The following FGF12 variants were observed in gnomAD, a reference collection of about 807,000 sequenced individuals.
FGF12 encodes fibroblast growth factor 12B.
A neutral mutation model predicts 23.6 loss-of-function variants in FGF12; 14 were observed. The observed-to-expected ratio is 0.59, with a 90% confidence interval of 0.39 to 0.93. FGF12 has a LOEUF of 0.93. Ranked by LOEUF, FGF12 falls within the 40% of genes least tolerant of loss-of-function variation. The pLI, the probability that FGF12 is intolerant of heterozygous loss-of-function variation, is 0.00. For missense variants in FGF12, 175 were observed against 217.8 expected (o/e 0.80, Z 1.24); for synonymous variants, 62 against 77.3 (o/e 0.80, Z 1.04).
intron 5 of FGF12, among the ~76,000 whole-genome samples, chr3:192,154,669 G>T (rs1165636079): frequency 7.0e-6 from 1 of 143,172 alleles, no homozygotes; most frequent in South Asian, 2.4e-4. Flanking sequence ...TAGTCTGCCC[G>T]TTCTCAGATC....
intron 2 of FGF12, among the ~76,000 whole-genome samples, chr3:192,452,898 CAAATA>C (rs1722569348): frequency 6.6e-6 from 1 of 152,188 alleles, no homozygotes. Flanking sequence ...CTTTGACATT[CAAATA>C]TTTTATTGTA....
intron 2 of FGF12, among the ~76,000 whole-genome samples, chr3:192,574,702 G>A (rs1470547420): frequency 1.3e-5 from 2 of 152,172 alleles, no homozygotes; most frequent in South Asian, 2.1e-4. Context: ...ACCTACTCTA[G>A]CAACACATAT....
chr3:192,628,153 T>A (rs1715244256), intron 2 of FGF12, among the ~76,000 whole-genome samples: 3 of 152,106 alleles, frequency 2.0e-5, no homozygotes, highest in South Asian at 2.1e-4. Context: ...TCCCTGGAGA[T>A]TCATCCATGT....
rs79906365 is a variant in FGF12 at position 192,530,131 on chromosome 3, T to C, written c.14-169593A>G. Among the ~76,000 whole-genome samples the C allele has an allele frequency of 5.1e-3, 783 of 152,242 alleles. 6 individuals carry two copies. The highest frequency in any genetic ancestry group is 0.017 in the African/African-American group (707 of 41,534). On this transcript the variant is annotated intron_variant, in intron 2 of 5. Coordinates refer to ENST00000445105, the MANE Select transcript of FGF12 (RefSeq NM_004113.6). ...TCATCCTTCTCTCTCCATCCTGTTT[T>C]TTTTTTTAATTTGACATCTACATTC...
chr3:192,680,224 C>T (rs1273453286), intron 2 of FGF12, among the ~76,000 whole-genome samples: 1 of 152,078 alleles, frequency 6.6e-6, no homozygotes, highest in Non-Finnish European at 1.5e-5. Context: ...ACCACTGTTC[C>T]AAACCTTATT....
chr3:192,507,491 T>C (rs1329806003), intron 2 of FGF12, among the ~76,000 whole-genome samples: 1 of 152,080 alleles, frequency 6.6e-6, no homozygotes, highest in East Asian at 1.9e-4. Context: ...GAAGTCTCGG[T>C]TTCCTAATTT....
chr3:192,243,825 C>A (rs59047141), intron 4 of FGF12, among the ~76,000 whole-genome samples: 9,133 of 152,054 alleles, frequency 0.06, 303 homozygotes, highest in South Asian at 0.081. Context: ...AAGTGGGAAG[C>A]ATTTGCAAGG....
intron 4 of FGF12, among the ~76,000 whole-genome samples, chr3:192,234,678 A>G (rs1172340220): frequency 6.6e-6 from 1 of 152,104 alleles, no homozygotes; most frequent in Non-Finnish European, 1.5e-5. Flanking sequence ...TGGGTTTGTC[A>G]AGATGATTCT....
intron 2 of FGF12, among the ~76,000 whole-genome samples, chr3:192,657,982 T>C (rs912588660): frequency 6.6e-6 from 1 of 152,126 alleles, no homozygotes; most frequent in Non-Finnish European, 1.5e-5. Context: ...TATTTGGGTT[T>C]TTTTTTTCAC....
At chr3:192,480,122 G>A (rs138999796) in intron 2 of FGF12, among the ~76,000 whole-genome samples, 245 of 152,274 alleles carry the variant, frequency 1.6e-3, no homozygotes, top group African/African-American at 5.5e-3. Context: ...TTTCTGTGGG[G>A]ATGGAGACAA....
intron 4 of FGF12, among the ~76,000 whole-genome samples, chr3:192,307,124 T>C (rs564821982): frequency 1.3e-5 from 2 of 152,326 alleles, no homozygotes; most frequent in Non-Finnish European, 2.9e-5. Context: ...TACCATATCT[T>C]AGGCATCATT....
intron 4 of FGF12, among the ~76,000 whole-genome samples, chr3:192,260,406 C>T (rs1712674915): frequency 6.6e-6 from 1 of 152,170 alleles, no homozygotes; most frequent in African/African-American, 2.4e-5. Flanking sequence ...TAAGAAATCA[C>T]ACTAAATTGG....
intron 4 of FGF12, among the ~76,000 whole-genome samples, chr3:192,318,201 A>T (rs1716331030): frequency 6.6e-6 from 1 of 152,180 alleles, no homozygotes; most frequent in East Asian, 1.9e-4. Flanking sequence ...ACTGATGAAC[A>T]GCCGCAAGCA....
At chr3:192,686,296 A>G (rs2108713787) in intron 2 of FGF12, among the ~76,000 whole-genome samples, 1 of 152,316 alleles carries the variant, frequency 6.6e-6, no homozygotes, top group Non-Finnish European at 1.5e-5. Flanking sequence ...AGAGAAAGAC[A>G]GGCACAGAGG....
intron 2 of FGF12, among the ~76,000 whole-genome samples, chr3:192,673,792 A>G (rs1487864297): frequency 6.6e-6 from 1 of 151,096 alleles, no homozygotes; most frequent in Admixed American, 6.6e-5. Flanking sequence ...TCTATCATTA[A>G]TGGGCATTTG....
intron 4 of FGF12, among the ~76,000 whole-genome samples, chr3:192,188,126 T>C (rs2108643496): frequency 6.6e-6 from 1 of 152,342 alleles, no homozygotes; most frequent in South Asian, 2.1e-4. Context: ...CATCAATTTA[T>C]AATATTCTAA....
Position 192,213,933 on chromosome 3 carries a change from G to A in FGF12, c.229-43277C>T, listed in dbSNP as rs150069744. Among the ~76,000 whole-genome samples the A allele has an allele frequency of 1.3e-3, 191 of 152,308 alleles. 2 individuals are homozygous for A. The highest frequency in any genetic ancestry group is 4.4e-3 in the African/African-American group (181 of 41,564). ...TGAGTGAGCTCTGATTCCAGGGTTGGGGAACTTCCTGGAGTACCAGGGCAT... is the reference window on the plus strand; with the variant it reads ...TGAGTGAGCTCTGATTCCAGGGTTGAGGAACTTCCTGGAGTACCAGGGCAT... On this transcript the variant is annotated intron_variant, in intron 4 of 5. Coordinates refer to ENST00000445105, the MANE Select transcript of FGF12 (RefSeq NM_004113.6).
chr3:192,387,815 A>C (rs1169951613), intron 2 of FGF12, among the ~76,000 whole-genome samples: 2 of 152,022 alleles, frequency 1.3e-5, no homozygotes, highest in Non-Finnish European at 2.9e-5. Context: ...TGAGCCAAGG[A>C]GGTTGACGCT....
At chr3:192,237,283 G>C (rs1292145163) in intron 4 of FGF12, among the ~76,000 whole-genome samples, 1 of 152,002 alleles carries the variant, frequency 6.6e-6, no homozygotes, top group Non-Finnish European at 1.5e-5. Context: ...TTCCACATTG[G>C]TTTCGAAGAA....
Sources: allele counts gnomAD v4.1 joint callset (sites outside exome capture counted in the v4.1 genomes callset), GRCh38; gene constraint gnomAD v4.1.1; transcripts MANE v1.5; gene names NCBI Gene and HGNC (gene_info 2026-07-23, HGNC 2026-07-21).